Variants in GAB1 observed in about 807,000 individuals in gnomAD.
GAB1 encodes GRB2-associated-binding protein 1.
In GAB1, 19 loss-of-function variants were observed where a neutral mutation model predicts 66.5. That is an observed-to-expected ratio of 0.29 (90% CI 0.20 to 0.42). The LOEUF (loss-of-function observed/expected upper bound fraction) is 0.42, where lower values mean the gene tolerates loss of function less well. Ranked by LOEUF, GAB1 falls within the 10% of genes least tolerant of loss-of-function variation. GAB1 has a pLI of 1.00. For synonymous variants in GAB1, 294 were observed against 301.4 expected (o/e 0.98, Z 0.25); for missense variants, 732 against 858.5 (o/e 0.85, Z 1.84).
chr4:143,453,407 C>T (rs563398599), intron 6 of GAB1, among the ~76,000 whole-genome samples: 4 of 152,202 alleles, frequency 2.6e-5, no homozygotes, highest in East Asian at 3.9e-4. Context: ...AAGAAGAACT[C>T]GAGTGAAAGG....
intron 2 of GAB1, chr4:143,425,530 C>T (rs1340488550): frequency 1.7e-5 from 13 of 762,426 alleles, no homozygotes; most frequent in Non-Finnish European, 2.9e-5. Context: ...ATTGCCATCC[C>T]ATGCAACAAC....
intron 2 of GAB1, among the ~76,000 whole-genome samples, chr4:143,422,039 T>C (rs1471423980): frequency 6.6e-6 from 1 of 152,206 alleles, no homozygotes; most frequent in African/African-American, 2.4e-5. Context: ...CACAGAAAAT[T>C]GCAACTACTG....
In GAB1 at chr4:143,438,411, A is replaced by T; in HGVS notation, c.1006A>T (p.Thr336Ser). ...GTLGQTSKLD[T>S]IPDIPPPRPP... ...CTTGGGACAGACATCAAAGCTAGAC[A>T]CTATTCCAGATATTCCTCCACCTCG... Residue 336 changes from threonine to serine, a missense_variant, in exon 4 of 10, where the codon ACT becomes TCT. By Grantham distance (58) the Thr-to-Ser change is moderately conservative. Coordinates refer to ENST00000262994, the MANE Select transcript of GAB1 (RefSeq NM_002039.4). 1 of 1,614,028 alleles carries T rather than the reference A, an allele frequency of 6.2e-7. No individual in the cohort carries two copies. The highest frequency in any genetic ancestry group is 8.5e-7 in the Non-Finnish European group (1 of 1,179,974).
At chr4:143,409,522 G>A (rs62337533) in intron 1 of GAB1, among the ~76,000 whole-genome samples, 1 of 151,868 alleles carries the variant, frequency 6.6e-6, no homozygotes, top group Non-Finnish European at 1.5e-5. Flanking sequence ...AAAAAAAAAG[G>A]AATTAGCTTT....
intron 2 of GAB1, chr4:143,425,408 G>A (rs1217730495): frequency 7.9e-6 from 6 of 759,166 alleles, no homozygotes; most frequent in Non-Finnish European, 1.2e-5. Flanking sequence ...ATGGCTTCTT[G>A]TGGTTACTGA....
At position 143,445,970 on chromosome 4, in the gene GAB1, A is replaced by G. The variant is rs530508020; in HGVS notation, c.1585+5588A>G. On this transcript the variant is annotated intron_variant, in intron 6 of 9. Coordinates refer to ENST00000262994, the MANE Select transcript of GAB1 (RefSeq NM_002039.4). ...CCCCCCACCCCACAACAGTCCCCAG[A>G]GTGTGATGTTCCCCTTCCTGTGTCC... 7.9e-5 allele frequency among the ~76,000 whole-genome samples: 12 copies of G among 151,894 alleles called. No homozygotes were observed. The East Asian group carries it at 2.3e-3, about 29-fold the overall frequency.
At chr4:143,436,978 A>G (rs1311136268) in intron 3 of GAB1, among the ~76,000 whole-genome samples, 2 of 152,188 alleles carry the variant, frequency 1.3e-5, no homozygotes, top group Non-Finnish European at 2.9e-5. Flanking sequence ...AGGAGCCAGT[A>G]AGTGAAACAA....
intron 1 of GAB1, among the ~76,000 whole-genome samples, chr4:143,384,430 A>T (rs982204880): frequency 6.6e-6 from 1 of 152,196 alleles, no homozygotes; most frequent in African/African-American, 2.4e-5. Flanking sequence ...GGGTTCATCT[A>T]CCATGGTAAG....
chr4:143,373,822 CCT>C (rs3049718), intron 1 of GAB1, among the ~76,000 whole-genome samples: 4,770 of 97,458 alleles, frequency 0.049, 221 homozygotes, highest in African/African-American at 0.11. Flanking sequence ...GGAGTGAAAC[CCT>C]CTCTCTCTCT....
At chr4:143,432,652 T>G (rs181002002) in intron 2 of GAB1, among the ~76,000 whole-genome samples, 1 of 152,352 alleles carries the variant, frequency 6.6e-6, no homozygotes, top group Admixed American at 6.5e-5. Flanking sequence ...TTCTGCATTA[T>G]TTATGGCCTT....
rs769869954 is a variant in GAB1, at chr4:143,433,733, CAT to C, written c.593+18_593+19del. The C allele has an allele frequency of 6.4e-7, 1 of 1,568,674 alleles. No individual in the cohort carries two copies. The highest frequency in any genetic ancestry group is 2.2e-5 in the East Asian group (1 of 44,642). On this transcript the variant is annotated intron_variant, in intron 3 of 9. Coordinates refer to ENST00000262994, the MANE Select transcript of GAB1 (RefSeq NM_002039.4). ...ACCCACCAGGTAAATTATATATGCC[CAT>C]GTGAGAGAGAGACAGAGGCGTGTGT... is the stretch of plus-strand genomic sequence containing the variant.
rs1736118106 is a variant in GAB1 at position 143,472,331 on chromosome 4, ATAC to A, written c.*3147_*3149del. The stretch of plus-strand genomic sequence containing the variant: ...AGACTAAATTTAATTTGATATAGAA[ATAC>A]TACTTTACTTGTACATTAAGGTCAT... On this transcript the variant is annotated 3_prime_UTR_variant, in exon 10 of 10. Coordinates refer to ENST00000262994, the MANE Select transcript of GAB1 (RefSeq NM_002039.4). The A allele has an allele frequency of 6.6e-6, 1 of 152,110 alleles. No individual in the cohort carries two copies. Among genetic ancestry groups the A allele is most frequent in the Admixed American group, 6.6e-5 (1 of 15,254 alleles). 9.4% of individuals were successfully genotyped at this position (152,110 alleles called of 1,614,324 possible).
intron 2 of GAB1, chr4:143,425,193 A>G: frequency 8.2e-6 from 7 of 852,186 alleles, no homozygotes; most frequent in Non-Finnish European, 1.4e-5. Context: ...CATCTACATT[A>G]TAAATCTGAA....
intron 1 of GAB1, among the ~76,000 whole-genome samples, chr4:143,397,861 G>A (rs1731530345): frequency 6.6e-6 from 1 of 152,194 alleles, no homozygotes; most frequent in African/African-American, 2.4e-5. Flanking sequence ...CAATGGCAGA[G>A]ACAGGGAAAA....
chr4:143,441,324 A>G (rs1734216805), intron 6 of GAB1, among the ~76,000 whole-genome samples: 2 of 152,202 alleles, frequency 1.3e-5, no homozygotes, highest in Non-Finnish European at 2.9e-5. Flanking sequence ...TGAATGATAC[A>G]ATATCTGGCT....
At chr4:143,404,214 A>G (rs1578661979) in intron 1 of GAB1, among the ~76,000 whole-genome samples, 1 of 152,238 alleles carries the variant, frequency 6.6e-6, no homozygotes, top group African/African-American at 2.4e-5. Flanking sequence ...GGAATTTAGA[A>G]TCAGTACATT....
chr4:143,350,114 C>T (rs763574303), intron 1 of GAB1: 2 of 1,130,798 alleles, frequency 1.8e-6, no homozygotes, highest in Admixed American at 4.6e-5. Context: ...GCGTCATCCG[C>T]CATTTGGTGT....
Position 143,440,345 on chromosome 4 carries a change from A to T in GAB1, c.1548A>T (p.Pro516=). ...RRPVPVADCE[P]PPVDRNLKPD... ...CAGTTCCTGTTGCAGACTGTGAACCACCCCCCGTGGATAGGAACCTCAAGC... is the reference window on the plus strand; with the variant it reads ...CAGTTCCTGTTGCAGACTGTGAACCTCCCCCCGTGGATAGGAACCTCAAGC... Residue 516 remains proline (P), a synonymous_variant, in exon 6 of 10, where the codon CCA becomes CCT. Transcript: ENST00000262994. The T allele has an allele frequency of 6.2e-7, 1 of 1,613,574 alleles. No individual in the cohort carries two copies. Among genetic ancestry groups the T allele is most frequent in the South Asian group, 1.1e-5 (1 of 91,028 alleles).
intron 6 of GAB1, among the ~76,000 whole-genome samples, chr4:143,447,370 A>G (rs1376611469): frequency 6.6e-6 from 1 of 152,200 alleles, no homozygotes; most frequent in African/African-American, 2.4e-5. Context: ...CATTGAATCT[A>G]TAAATTACCT....
Sources: allele counts gnomAD v4.1 joint callset (sites outside exome capture counted in the v4.1 genomes callset), GRCh38; gene constraint gnomAD v4.1.1; transcripts MANE v1.5; gene names NCBI Gene and HGNC (gene_info 2026-07-23, HGNC 2026-07-21).